The following SLC25A12 variants were observed in gnomAD, a reference collection of about 807,000 sequenced individuals.
SLC25A12 encodes the protein electrogenic aspartate/glutamate antiporter SLC25A12, mitochondrial.
Under a neutral mutation model 83.3 loss-of-function variants are expected in SLC25A12, and 32 were observed. The ratio of observed to expected loss-of-function variants is 0.38; its 90% CI spans 0.29 to 0.52. The LOEUF (loss-of-function observed/expected upper bound fraction) is 0.52. Among genes scored for constraint, SLC25A12 ranks in the 20% least tolerant of loss-of-function variants. SLC25A12 has a pLI of 0.84. For missense variants in SLC25A12, 611 were observed against 835.6 expected (o/e 0.73, Z 3.31); for synonymous variants, 267 against 291.1 (o/e 0.92, Z 0.84).
chr2:171,860,162 TG>T (rs1452079729), intron 3 of SLC25A12, among the ~76,000 whole-genome samples: 2 of 152,246 alleles, frequency 1.3e-5, no homozygotes, highest in Non-Finnish European at 2.9e-5. Context: ...TGTTATATTA[TG>T]TATATTTTAA....
intron 2 of SLC25A12, among the ~76,000 whole-genome samples, chr2:171,874,972 C>G (rs188276992): frequency 6.6e-6 from 1 of 152,178 alleles, no homozygotes; most frequent in Non-Finnish European, 1.5e-5. Flanking sequence ...CTTTTCTCCA[C>G]GGCAGATGGG....
intron 2 of SLC25A12, among the ~76,000 whole-genome samples, chr2:171,869,861 T>C (rs967149332): frequency 2.0e-5 from 3 of 152,220 alleles, no homozygotes; most frequent in Non-Finnish European, 2.9e-5. Flanking sequence ...ATCGTTAAAT[T>C]GCAGAACATC....
chr2:171,817,198 T>G (rs568071108), intron 9 of SLC25A12, among the ~76,000 whole-genome samples: 1 of 152,294 alleles, frequency 6.6e-6, no homozygotes, highest in South Asian at 2.1e-4. Flanking sequence ...CCACCTATGG[T>G]AATTTGTAAT....
rs1685982411 is a variant in SLC25A12 at position 171,893,192 on chromosome 2, C to G, written c.66+13G>C. The G allele has an allele frequency of 1.9e-6, 3 of 1,612,948 alleles. No homozygotes were observed. Among genetic ancestry groups the G allele is most frequent in the Non-Finnish European group, 2.5e-6 (3 of 1,178,992 alleles). ...TTTTTGCAATGAAAGGCACACTATG[C>G]AAGCCAATTTACCTGTAGAAATATG... On this transcript the variant is annotated intron_variant, in intron 2 of 17. Transcript: ENST00000422440.
At chr2:171,811,506 T>C (rs902317072) in intron 11 of SLC25A12, among the ~76,000 whole-genome samples, 3 of 152,230 alleles carry the variant, frequency 2.0e-5, no homozygotes, top group African/African-American at 7.2e-5. Context: ...ATTTGTGTCA[T>C]TTTATCATTG....
Position 171,826,895 on chromosome 2 carries a change from T to C in SLC25A12, c.846-13A>G, listed in dbSNP as rs1402233556. ...CAAAGTCAAGCGCCTTCAGGAAAAA[T>C]ATAGGAAAGAATTGTTAGACACTGA... On this transcript the variant is annotated splice_polypyrimidine_tract_variant and intron_variant, in intron 8 of 17. Coordinates refer to ENST00000422440, the MANE Select transcript of SLC25A12 (RefSeq NM_003705.5). 9 of 1,510,994 alleles carry C rather than the reference T, an allele frequency of 6.0e-6. No individual in the cohort carries two copies. The highest frequency in any genetic ancestry group is 4.5e-5 in the East Asian group (2 of 44,336). 93.6% of individuals were successfully genotyped at this position (1,510,994 alleles called of 1,614,324 possible).
In SLC25A12 at chr2:171,833,975, T is replaced by C; in HGVS notation, c.833A>G (p.Tyr278Cys). 6.3e-7 allele frequency: 1 copy of C among 1,577,048 alleles called. No individual in the cohort carries two copies. Among genetic ancestry groups the C allele is most frequent in the Non-Finnish European group, 8.7e-7 (1 of 1,146,356 alleles). ...IDILYQLADL[Y>C]NASGRLTLAD... Reference sequence around the variant, plus strand: ...TTGAAATACTTACCCTGAAGCATTATATAAGTCTGCAAGCTGATATAGAAT... The same window carrying C: ...TTGAAATACTTACCCTGAAGCATTACATAAGTCTGCAAGCTGATATAGAAT... Residue 278 changes from tyrosine to cysteine, a missense_variant, in exon 8 of 18, where the codon TAT (tyrosine) becomes TGT (cysteine). Physicochemically the swap from Tyr to Cys is radical, Grantham distance 194 (BLOSUM62 -2). This residue lies in a region of SLC25A12 where 540 missense variants were observed against 777.5 expected (regional missense o/e 0.69). Transcript: ENST00000422440.
intron 4 of SLC25A12, among the ~76,000 whole-genome samples, chr2:171,855,318 A>G (rs1435548249): frequency 6.6e-6 from 1 of 152,156 alleles, no homozygotes. Flanking sequence ...TCAGATGGCA[A>G]TTTTAATATT....
intron 2 of SLC25A12, among the ~76,000 whole-genome samples, chr2:171,888,764 C>G (rs1249020012): frequency 6.6e-6 from 1 of 152,098 alleles, no homozygotes; most frequent in Non-Finnish European, 1.5e-5. Context: ...TTACAAATGA[C>G]TTTTGACCCA....
intron 8 of SLC25A12, among the ~76,000 whole-genome samples, chr2:171,827,119 T>C (rs1200823957): frequency 6.6e-6 from 1 of 152,202 alleles, no homozygotes. Context: ...ACTCCAGTGA[T>C]AGATATTAAA....
intron 2 of SLC25A12, among the ~76,000 whole-genome samples, chr2:171,883,608 C>A (rs902905241): frequency 7.2e-6 from 1 of 138,600 alleles, no homozygotes; most frequent in Non-Finnish European, 1.6e-5. Flanking sequence ...TTCAGGCACA[C>A]TGGCCTTTCT....
intron 13 of SLC25A12, among the ~76,000 whole-genome samples, chr2:171,796,892 C>T (rs528118115): frequency 6.6e-6 from 1 of 152,144 alleles, no homozygotes; most frequent in Non-Finnish European, 1.5e-5. Context: ...CTCTCTCTAT[C>T]CTACATATTA....
chr2:171,853,817 T>A (rs565773567), intron 4 of SLC25A12, among the ~76,000 whole-genome samples: 1 of 152,254 alleles, frequency 6.6e-6, no homozygotes, highest in Non-Finnish European at 1.5e-5. Context: ...TATTGTTAAG[T>A]TGGTCTTGAC....
chr2:171,871,846 G>A, intron 2 of SLC25A12: 1 of 616,024 alleles, frequency 1.6e-6, no homozygotes, highest in Admixed American at 6.4e-5. Flanking sequence ...TTGAACCTGG[G>A]AGGCGGAGGT....
intron 6 of SLC25A12, 143 bp downstream of exon 6, chr2:171,836,978 A>C: frequency 1.3e-6 from 1 of 741,404 alleles, no homozygotes; most frequent in Non-Finnish European, 2.3e-6. Context: ...ACACACACAC[A>C]CACACAAACC....
At chr2:171,865,419 G>A (rs1169558501) in intron 3 of SLC25A12, among the ~76,000 whole-genome samples, 1 of 152,158 alleles carries the variant, frequency 6.6e-6, no homozygotes, top group East Asian at 1.9e-4. Context: ...CCAGCAGTTT[G>A]GGAGGCCGAG....
chr2:171,847,998 G>A (rs1684835594), intron 4 of SLC25A12, among the ~76,000 whole-genome samples: 1 of 152,102 alleles, frequency 6.6e-6, no homozygotes, highest in Non-Finnish European at 1.5e-5. Flanking sequence ...ATGATGATTG[G>A]ACTAGATGAA....
rs1299215766 is a variant in SLC25A12, at chr2:171,785,370, T to G, written c.1941A>C (p.Ala647=). Reference sequence around the variant, plus strand: ...AAAGGCCAAATTTGTTTTCGATGCCTGCAAACGTGGCTGTGGCGAGTCTGT... The same window carrying G: ...AAAGGCCAAATTTGTTTTCGATGCCGGCAAACGTGGCTGTGGCGAGTCTGT... ...GGYRLATATF[A]GIENKFGLYL... Residue 647 remains alanine, a synonymous_variant, in exon 18 of 18, where the codon GCA becomes GCC. Transcript: ENST00000422440. 6.2e-7 allele frequency: 1 copy of G among 1,614,196 alleles called. No homozygotes were observed.
chr2:171,864,906 A>G (rs942606275), intron 3 of SLC25A12, among the ~76,000 whole-genome samples: 2 of 152,192 alleles, frequency 1.3e-5, no homozygotes, highest in Non-Finnish European at 2.9e-5. Context: ...CAAAAGCCTC[A>G]TTTAATTTAT....
Sources: allele counts gnomAD v4.1 joint callset (sites outside exome capture counted in the v4.1 genomes callset), GRCh38; gene constraint gnomAD v4.1.1; regional missense constraint gnomAD v4.1.1; transcripts MANE v1.5; gene names NCBI Gene and HGNC (gene_info 2026-07-23, HGNC 2026-07-21).